The following P2RY12 variants were observed in gnomAD, a reference collection of about 807,000 sequenced individuals.
P2RY12 encodes the protein P2Y purinoceptor 12.
Under a neutral mutation model 4.5 loss-of-function variants are expected in P2RY12, and 3 were observed. The ratio of observed to expected loss-of-function variants is 0.67; its 90% confidence interval spans 0.31 to 1.74. The LOEUF (loss-of-function observed/expected upper bound fraction) is 1.74. Among genes scored for constraint, P2RY12 ranks in the 40% most tolerant of loss-of-function variants. The pLI is 0.09. For missense variants in P2RY12, 356 were observed against 407.8 expected (o/e 0.87, Z 1.09); for synonymous variants, 148 against 154.1 (o/e 0.96, Z 0.29).
rs1263032925 is a variant in P2RY12 at position 151,352,215 on chromosome 3, T to G, written c.-179-11455A>C. Among the ~76,000 whole-genome samples, 4 of 152,226 alleles carry G rather than the reference T, an allele frequency of 2.6e-5. No homozygotes were observed. The East Asian group carries it at 5.8e-4, about 22-fold the overall frequency. On this transcript the variant is annotated intron_variant, in intron 1 of 2. Coordinates refer to ENST00000302632, the MANE Select transcript of P2RY12 (RefSeq NM_022788.5). Reference sequence around the variant, plus strand: ...TCTACATTTTGACTGTGACCTGTTATGTGAGATCAAGTGTGGAATTTTCTA... The same window carrying G: ...TCTACATTTTGACTGTGACCTGTTAGGTGAGATCAAGTGTGGAATTTTCTA...
chr3:151,357,135 C>A, intron 1 of P2RY12: 2 of 1,250,268 alleles, frequency 1.6e-6, no homozygotes, highest in Non-Finnish European at 2.2e-6. Flanking sequence ...CTCAGTATAT[C>A]TATGGTTTAT....
At chr3:151,353,491 T>A (rs921548864) in intron 1 of P2RY12, among the ~76,000 whole-genome samples, 1 of 152,248 alleles carries the variant, frequency 6.6e-6, no homozygotes, top group Non-Finnish European at 1.5e-5. Flanking sequence ...GGCACAAGCT[T>A]GTAACTTATG....
chr3:151,381,853 G>T (rs531327871), intron 1 of P2RY12, among the ~76,000 whole-genome samples: 12 of 152,318 alleles, frequency 7.9e-5, no homozygotes, highest in Admixed American at 2.6e-4. Context: ...TCACCTTGCA[G>T]GGTACTTACA....
intron 1 of P2RY12, among the ~76,000 whole-genome samples, chr3:151,356,338 G>A (rs1577422343): frequency 1.3e-5 from 2 of 152,148 alleles, no homozygotes; most frequent in East Asian, 1.9e-4. Flanking sequence ...GATGCAATAA[G>A]CCATGATCAT....
chr3:151,338,828 G>T lies in P2RY12; in HGVS notation c.18C>A (p.Asn6Lys), dbSNP rs6785930. The T allele has an allele frequency of 6.2e-7, 1 of 1,613,220 alleles. No individual in the cohort carries two copies. Among genetic ancestry groups the T allele is most frequent in the South Asian group, 1.1e-5 (1 of 91,044 alleles). ...TGGTGTTACCAGGCGCAGAGGTGAG[G>T]TTGTCGACGGCTTGCATTTCTTGTT... MQAVD[N>K]LTSAPGNTSL... Residue 6 changes from asparagine to lysine, a missense_variant, in exon 3 of 3, where the codon AAC (asparagine) becomes AAA (lysine). Physicochemically the swap from Asn to Lys is moderately conservative, Grantham distance 94. Coordinates refer to ENST00000302632, the MANE Select transcript of P2RY12 (RefSeq NM_022788.5).
At chr3:151,364,705 A>C (rs1361508330) in intron 1 of P2RY12, among the ~76,000 whole-genome samples, 1 of 152,220 alleles carries the variant, frequency 6.6e-6, no homozygotes, top group East Asian at 1.9e-4. Context: ...TAAAATGTAG[A>C]CCATATTTAG....
At chr3:151,369,466 G>C in intron 1 of P2RY12, 1 of 1,610,368 alleles carries the variant, frequency 6.2e-7, no homozygotes, top group Non-Finnish European at 8.5e-7. Flanking sequence ...AGATCATCTT[G>C]TGATAGACAC....
chr3:151,380,167 G>A, intron 1 of P2RY12: 1 of 1,609,700 alleles, frequency 6.2e-7, no homozygotes, highest in Non-Finnish European at 8.5e-7. Context: ...CCTGCCTTAA[G>A]GGACAAGATG....
intron 1 of P2RY12, among the ~76,000 whole-genome samples, chr3:151,377,756 C>T (rs144911838): frequency 1.3e-5 from 2 of 152,154 alleles, no homozygotes; most frequent in Admixed American, 6.5e-5. Flanking sequence ...AGGGGGTCAT[C>T]GGAAAACATT....
rs537352696 is a variant in P2RY12, at chr3:151,364,873, A to G, written c.-180+19819T>C. On this transcript the variant is annotated intron_variant, in intron 1 of 2. Coordinates refer to ENST00000302632, the MANE Select transcript of P2RY12 (RefSeq NM_022788.5). The stretch of plus-strand genomic sequence containing the variant: ...AGAACTCATAATGTGAATCTTCTCT[A>G]GGAATGCATTACAGTTCCTGCCATT... 2.2e-4 allele frequency: 164 copies of G among 761,452 alleles called. 2 individuals are homozygous for G. Among genetic ancestry groups the G allele is most frequent in the South Asian group, 2.0e-3 (120 of 59,604 alleles). 47.2% of individuals were successfully genotyped at this position (761,452 alleles called of 1,614,324 possible).
chr3:151,357,477 G>A (rs976048030), intron 1 of P2RY12: 2 of 1,048,882 alleles, frequency 1.9e-6, no homozygotes, highest in African/African-American at 1.6e-5. Flanking sequence ...ACTGATACCT[G>A]TTTTAGTTAA....
chr3:151,352,881 G>A (rs917459602), intron 1 of P2RY12, among the ~76,000 whole-genome samples: 3 of 151,960 alleles, frequency 2.0e-5, no homozygotes, highest in Admixed American at 2.0e-4. Flanking sequence ...TCAAAATTAA[G>A]CAACAAAAGA....
At chr3:151,372,984 T>C (rs1362028601) in intron 1 of P2RY12, among the ~76,000 whole-genome samples, 1 of 152,228 alleles carries the variant, frequency 6.6e-6, no homozygotes, top group Non-Finnish European at 1.5e-5. Context: ...TTTTGCTACA[T>C]GTGCTTTGTA....
chr3:151,368,785 A>C (rs1244358567), intron 1 of P2RY12, among the ~76,000 whole-genome samples: 7 of 142,860 alleles, frequency 4.9e-5, no homozygotes, highest in African/African-American at 1.8e-4. Context: ...TTTCCAAGAC[A>C]AAGTCTTACT....
At chr3:151,344,356 GT>G (rs1236189159) in intron 1 of P2RY12, among the ~76,000 whole-genome samples, 1 of 151,354 alleles carries the variant, frequency 6.6e-6, no homozygotes, top group Non-Finnish European at 1.5e-5. Context: ...CCTCATCCAT[GT>G]GCACACCCAT....
intron 1 of P2RY12, chr3:151,366,001 C>A: frequency 6.5e-7 from 1 of 1,530,848 alleles, no homozygotes; most frequent in Non-Finnish European, 8.8e-7. Flanking sequence ...TGTAAGTTTT[C>A]TTTTTCATTT....
chr3:151,356,014 A>G lies in P2RY12; in HGVS notation c.-179-15254T>C, dbSNP rs777644936. On this transcript the variant is annotated intron_variant, in intron 1 of 2. Transcript: ENST00000302632. ...CTCATGGAGCCAGCACTGAACATCA[A>G]CGGACTAATTGACTTCGCAATACAG... The G allele has an allele frequency of 1.3e-5, 21 of 1,612,976 alleles. No individual in the cohort carries two copies. The highest frequency in any genetic ancestry group is 2.2e-5 in the South Asian group (2 of 90,818).
At chr3:151,376,355 G>C (rs761373638) in intron 1 of P2RY12, 4 of 668,846 alleles carry the variant, frequency 6.0e-6, no homozygotes, top group Non-Finnish European at 2.3e-6. Flanking sequence ...CTGTGGAATT[G>C]ACATACTTTA....
At chr3:151,352,379 G>T (rs1472890229) in intron 1 of P2RY12, among the ~76,000 whole-genome samples, 3 of 152,102 alleles carry the variant, frequency 2.0e-5, no homozygotes, top group Non-Finnish European at 2.9e-5. Context: ...GGGGATTTTT[G>T]ACTTTCTTTC....
Sources: gnomAD v4.1 joint callset for allele counts (sites outside exome capture counted in the v4.1 genomes callset) on GRCh38, gnomAD v4.1.1 for gene constraint, MANE v1.5 for transcripts, NCBI Gene and HGNC (gene_info 2026-07-23, HGNC 2026-07-21) for gene names.